WDPCP: variants seen among roughly 807,000 people sequenced by gnomAD.
The protein encoded by WDPCP is WD repeat containing planar cell polarity effector.
WDPCP carries 71 observed loss-of-function variants against 93.1 expected under a neutral mutation model. The observed-to-expected ratio is 0.76, with a 90% CI of 0.63 to 0.93. The LOEUF is 0.93. Ranked by LOEUF, WDPCP falls within the 40% of genes least tolerant of loss-of-function variation. The pLI, the probability that WDPCP is intolerant of heterozygous loss-of-function variation, is 0.00. For missense variants in WDPCP, 844 were observed against 887.4 expected, an observed-to-expected ratio of 0.95 and a Z score of 0.62; for synonymous variants, 315 against 315.0, an observed-to-expected ratio of 1.00 and a Z score of 0.00.
chr2:63,304,057 C>T (rs987725666), intron 13 of WDPCP, among the ~76,000 whole-genome samples: 11 of 150,250 alleles, frequency 7.3e-5, no homozygotes, highest in South Asian at 4.2e-4. Flanking sequence ...ATTAGTACTA[C>T]TTCTATAAAA....
intron 13 of WDPCP, among the ~76,000 whole-genome samples, chr2:63,264,570 A>C (rs537843944): frequency 6.6e-6 from 1 of 152,232 alleles, no homozygotes; most frequent in African/African-American, 2.4e-5. Context: ...ATTGGAGCCC[A>C]TGAATATATA....
intron 14 of WDPCP, among the ~76,000 whole-genome samples, chr2:63,203,467 C>T (rs1358255788): frequency 6.6e-6 from 1 of 152,140 alleles, no homozygotes; most frequent in Non-Finnish European, 1.5e-5. Context: ...CCCACTAACC[C>T]TTCCCAGCTC....
intron 13 of WDPCP, among the ~76,000 whole-genome samples, chr2:63,265,870 A>G (rs1315092695): frequency 4.6e-5 from 7 of 152,338 alleles, no homozygotes; most frequent in East Asian, 3.9e-4. Context: ...ATATAAATCA[A>G]TAAGTGTGAT....
chr2:63,834,284 A>C, the WDPCP span, among the ~76,000 whole-genome samples: 1 of 152,186 alleles, frequency 6.6e-6, no homozygotes. Context: ...TCTGTTTTTA[A>C]TTTGTTGCTG....
chr2:63,683,403 G>A (rs1356566787), intron 2 of WDPCP, among the ~76,000 whole-genome samples: 1 of 152,010 alleles, frequency 6.6e-6, no homozygotes, highest in African/African-American at 2.4e-5. Context: ...GATAGAAAAA[G>A]ATATTTCATG....
At chr2:63,378,590 C>A in intron 11 of WDPCP, 81 bp from the exon 12 acceptor site, 1 of 1,581,238 alleles carries the variant, frequency 6.3e-7, no homozygotes, top group South Asian at 1.1e-5. Context: ...TGCAGTCAGT[C>A]AGGTTTTGCA....
chr2:63,747,768 A>G (rs1051808914), intron 2 of WDPCP, among the ~76,000 whole-genome samples: 10 of 152,054 alleles, frequency 6.6e-5, no homozygotes, highest in Non-Finnish European at 1.3e-4. Context: ...TTGTTATTCC[A>G]TATACATTTT....
intron 15 of WDPCP, among the ~76,000 whole-genome samples, chr2:63,169,710 T>G (rs1559171131): frequency 1.3e-5 from 2 of 152,182 alleles, no homozygotes; most frequent in Non-Finnish European, 2.9e-5. Context: ...GTTGCTTCTC[T>G]GTCTTATCTC....
chr2:63,483,771 T>C (rs936304603), intron 6 of WDPCP, among the ~76,000 whole-genome samples: 2 of 151,944 alleles, frequency 1.3e-5, no homozygotes, highest in African/African-American at 4.8e-5. Flanking sequence ...GCAACTTCAA[T>C]TCCACAGATG....
At chr2:63,680,573 G>A (rs1413719085) in intron 2 of WDPCP, among the ~76,000 whole-genome samples, 2 of 152,154 alleles carry the variant, frequency 1.3e-5, no homozygotes, top group African/African-American at 4.8e-5. Flanking sequence ...TGTCACTCCA[G>A]GCTGAATGAA....
intron 11 of WDPCP, among the ~76,000 whole-genome samples, chr2:63,381,652 T>C (rs2104895949): frequency 6.6e-6 from 1 of 152,312 alleles, no homozygotes; most frequent in East Asian, 1.9e-4. Context: ...GACTGAATTG[T>C]ACAATGACTG....
intron 14 of WDPCP, among the ~76,000 whole-genome samples, chr2:63,215,683 T>C (rs1161625462): frequency 1.3e-5 from 2 of 152,142 alleles, no homozygotes; most frequent in Non-Finnish European, 2.9e-5. Flanking sequence ...CCAAAAGCAA[T>C]GGCAACTAAA....
chr2:63,638,221 T>A (rs776049111), intron 3 of WDPCP, among the ~76,000 whole-genome samples: 2 of 152,160 alleles, frequency 1.3e-5, no homozygotes, highest in Admixed American at 6.5e-5. Flanking sequence ...GAGGTTCTAA[T>A]GTACAGTGTG....
chr2:63,389,154 G>T (rs1038504918), intron 10 of WDPCP, among the ~76,000 whole-genome samples: 3 of 152,134 alleles, frequency 2.0e-5, no homozygotes, highest in Admixed American at 6.5e-5. Context: ...ACAAAGAAAG[G>T]TTGGGTTACC....
At chr2:63,316,045 G>A (rs6736788) in intron 12 of WDPCP, among the ~76,000 whole-genome samples, 119,164 of 152,006 alleles carry the variant, frequency 0.78, 47,287 homozygotes, top group East Asian at 0.96. Context: ...CTACAGGTGT[G>A]AGCCACTGTG....
intron 2 of WDPCP, among the ~76,000 whole-genome samples, chr2:63,724,962 C>T (rs533940670): frequency 3.3e-5 from 5 of 152,286 alleles, no homozygotes; most frequent in African/African-American, 4.8e-5. Context: ...CATTCTCCTA[C>T]GGGATTTTAA....
rs763930644 is a variant in WDPCP at position 63,597,477 on chromosome 2, G to C, written n.488+53182C>G. Reference sequence around the variant, plus strand: ...ATTCTTGTGGGCTCCATGCCAAGAAGGGAAGGCATGGAGAGAAAAGATTTA... The same window carrying C: ...ATTCTTGTGGGCTCCATGCCAAGAACGGAAGGCATGGAGAGAAAAGATTTA... On this transcript the variant is annotated intron_variant and non_coding_transcript_variant, in intron 3 of 4. Transcript: ENST00000467687. 5.3e-6 allele frequency: 8 copies of C among 1,519,236 alleles called. No individual in the cohort carries two copies. The South Asian group carries it at 9.1e-5, about 17-fold the overall frequency. 94.1% of individuals were successfully genotyped at this position (1,519,236 alleles called of 1,614,324 possible).
At chr2:63,630,208 G>A (rs1316012352) in intron 3 of WDPCP, among the ~76,000 whole-genome samples, 1 of 151,764 alleles carries the variant, frequency 6.6e-6, no homozygotes, top group African/African-American at 2.4e-5. Context: ...AAGAATTAAG[G>A]AAAAATAAAA....
At position 63,617,950 on chromosome 2, in the gene WDPCP, T is replaced by G. The variant is rs189175460; in HGVS notation, n.488+32709A>C. On this transcript the variant is annotated intron_variant and non_coding_transcript_variant, in intron 3 of 4. Transcript: ENST00000467687. The stretch of plus-strand genomic sequence containing the variant: ...ACAAACACTTATCTTGAAACCACAC[T>G]GCTTTTAGGCAAGACAACATGAAAA... 1.1e-4 allele frequency among the ~76,000 whole-genome samples: 17 copies of G among 152,332 alleles called. No individual in the cohort carries two copies. In the East Asian group the frequency reaches 3.1e-3, roughly 28 times the overall value.
Sources: gnomAD v4.1 joint callset for allele counts (sites outside exome capture counted in the v4.1 genomes callset) on GRCh38, gnomAD v4.1.1 for gene constraint, MANE v1.5 for transcripts, NCBI Gene and HGNC (gene_info 2026-07-23, HGNC 2026-07-21) for gene names.